MATN2: variants seen among roughly 807,000 people sequenced by gnomAD.
MATN2 encodes the protein matrilin-2.
Under a neutral mutation model 103.2 loss-of-function variants are expected in MATN2, and 69 were observed. That is an observed-to-expected ratio of 0.67 (90% CI 0.55 to 0.82). The LOEUF (loss-of-function observed/expected upper bound fraction) is 0.82. Among genes scored for constraint, MATN2 ranks in the 40% least tolerant of loss-of-function variants. The probability of loss-of-function intolerance (pLI) is 0.00; values close to 1 mark genes in which losing one functional copy is unlikely to be tolerated. For synonymous variants in MATN2, 429 were observed against 450.2 expected (o/e 0.95, Z 0.60); for missense variants, 1,023 against 1,211.5 (o/e 0.84, Z 2.31).
intron 4 of MATN2, among the ~76,000 whole-genome samples, chr8:97,943,065 C>T (rs765453558): frequency 2.0e-5 from 3 of 152,152 alleles, no homozygotes; most frequent in Non-Finnish European, 2.9e-5. Context: ...GAATCATCCT[C>T]ATCTTCCAGT....
intron 17 of MATN2, 41 bp from the exon 18 acceptor site, chr8:98,033,519 TG>T (rs1814114617): frequency 9.9e-7 from 1 of 1,009,152 alleles, no homozygotes; most frequent in Non-Finnish European, 1.5e-6. Flanking sequence ...CTGGGAAGTC[TG>T]GTGGATTCTA....
intron 6 of MATN2, among the ~76,000 whole-genome samples, chr8:97,986,556 T>C (rs964871394): frequency 6.6e-5 from 10 of 152,308 alleles, no homozygotes; most frequent in African/African-American, 2.4e-4. Context: ...CTGAGTTACT[T>C]CACTTAGAAT....
At chr8:97,958,944 C>T (rs563251687) in intron 4 of MATN2, among the ~76,000 whole-genome samples, 1 of 152,196 alleles carries the variant, frequency 6.6e-6, no homozygotes, top group African/African-American at 2.4e-5. Context: ...GCTGCCACGC[C>T]TCTCCTGCTT....
intron 2 of MATN2, among the ~76,000 whole-genome samples, chr8:97,919,554 A>G (rs925628348): frequency 4.6e-5 from 7 of 152,132 alleles, no homozygotes; most frequent in Non-Finnish European, 7.4e-5. Flanking sequence ...TTCTGATGTT[A>G]TCGAGCTGTC....
chr8:98,014,564 C>G (rs140179689), intron 10 of MATN2, among the ~76,000 whole-genome samples: 103 of 152,270 alleles, frequency 6.8e-4, no homozygotes, highest in African/African-American at 2.4e-3. Flanking sequence ...GTGCTTCTCC[C>G]CAAAGAAATT....
chr8:97,967,035 G>A (rs1411153107), intron 5 of MATN2, among the ~76,000 whole-genome samples: 1 of 152,174 alleles, frequency 6.6e-6, no homozygotes, highest in African/African-American at 2.4e-5. Flanking sequence ...ATGTCACATG[G>A]TGAGAGCAGG....
intron 2 of MATN2, among the ~76,000 whole-genome samples, chr8:97,895,730 T>G (rs1818787339): frequency 6.6e-6 from 1 of 152,238 alleles, no homozygotes; most frequent in Admixed American, 6.5e-5. Flanking sequence ...ACTGAGCCCC[T>G]GCTGTGGGTT....
intron 6 of MATN2, among the ~76,000 whole-genome samples, chr8:97,989,787 A>T (rs1812330960): frequency 6.6e-6 from 1 of 152,244 alleles, no homozygotes; most frequent in South Asian, 2.1e-4. Context: ...AACTATTAAT[A>T]GCAAGTGAAT....
intron 7 of MATN2, among the ~76,000 whole-genome samples, chr8:97,997,820 T>G (rs1343228199): frequency 1.4e-5 from 2 of 146,242 alleles, no homozygotes. Flanking sequence ...GGAGAAGGTT[T>G]TTTTTTTTTT....
At chr8:97,953,731 G>A (rs184412028) in intron 4 of MATN2, among the ~76,000 whole-genome samples, 23 of 151,778 alleles carry the variant, frequency 1.5e-4, no homozygotes, top group Admixed American at 1.4e-3. Flanking sequence ...CGGAGAATGC[G>A]GTGAGCCAAG....
intron 10 of MATN2, among the ~76,000 whole-genome samples, chr8:98,013,842 C>T (rs1169706545): frequency 1.3e-5 from 2 of 152,294 alleles, no homozygotes; most frequent in Non-Finnish European, 2.9e-5. Context: ...GGTGTGGTGG[C>T]TCATGCCTGT....
At chr8:97,887,911 C>T (rs191236889) in intron 1 of MATN2, 164 bp from the exon 2 acceptor site, 48 of 571,446 alleles carry the variant, frequency 8.4e-5, no homozygotes, top group South Asian at 6.1e-4. Context: ...AGCCTACCAA[C>T]GGGGGCTACT....
At chr8:97,987,856 A>G (rs1812246502) in intron 6 of MATN2, among the ~76,000 whole-genome samples, 1 of 152,210 alleles carries the variant, frequency 6.6e-6, no homozygotes, top group Non-Finnish European at 1.5e-5. Flanking sequence ...AATAGAAGAC[A>G]TAAATCAATA....
At chr8:97,976,793 G>A (rs1218079972) in intron 5 of MATN2, among the ~76,000 whole-genome samples, 3 of 151,722 alleles carry the variant, frequency 2.0e-5, no homozygotes, top group Non-Finnish European at 4.4e-5. Context: ...TTGACCCTAG[G>A]TGCACTCTCT....
At chr8:97,910,702 T>C (rs1809385558) in intron 2 of MATN2, among the ~76,000 whole-genome samples, 1 of 152,218 alleles carries the variant, frequency 6.6e-6, no homozygotes, top group South Asian at 2.1e-4. Context: ...TCATGAAGAG[T>C]ATGAATTCTA....
At chr8:97,990,739 A>G (rs986423914) in intron 6 of MATN2, among the ~76,000 whole-genome samples, 1 of 152,240 alleles carries the variant, frequency 6.6e-6, no homozygotes, top group African/African-American at 2.4e-5. Context: ...ATACTATATG[A>G]TTACATTTAT....
chr8:97,887,918 T>C, intron 1 of MATN2, 157 bp from the exon 2 acceptor site: 2 of 600,426 alleles, frequency 3.3e-6, no homozygotes, highest in Non-Finnish European at 5.5e-6. Flanking sequence ...CAACGGGGGC[T>C]ACTTAAGCTC....
chr8:98,019,243 A>G (rs1019131136), intron 12 of MATN2, among the ~76,000 whole-genome samples: 1 of 151,956 alleles, frequency 6.6e-6, no homozygotes, highest in Non-Finnish European at 1.5e-5. Flanking sequence ...ACACACATAT[A>G]TTGTGAGGGA....
At chr8:97,969,862 A>G (rs1328192329) in intron 5 of MATN2, among the ~76,000 whole-genome samples, 2 of 152,230 alleles carry the variant, frequency 1.3e-5, no homozygotes, top group Non-Finnish European at 2.9e-5. Flanking sequence ...GCAGATTTCA[A>G]GAGGCAGGGA....
Sources: gnomAD v4.1 joint callset for allele counts (sites outside exome capture counted in the v4.1 genomes callset) on GRCh38, gnomAD v4.1.1 for gene constraint, MANE v1.5 for transcripts, NCBI Gene and HGNC (gene_info 2026-07-23, HGNC 2026-07-21) for gene names.